GPR139: variants seen among roughly 807,000 people sequenced by gnomAD.
The protein encoded by GPR139 is G protein-coupled receptor 139.
GPR139 carries 12 observed loss-of-function variants against 25.8 expected under a neutral mutation model. That is an observed-to-expected ratio of 0.47 (90% confidence interval 0.30 to 0.75). The LOEUF is 0.75. Ranked by LOEUF, GPR139 falls within the 30% of genes least tolerant of loss-of-function variation. GPR139 has a pLI of 0.07. For synonymous variants in GPR139, 184 were observed against 179.9 expected (o/e 1.02, Z -0.18); for missense variants, 380 against 450.2 (o/e 0.84, Z 1.41).
intron 1 of GPR139, among the ~76,000 whole-genome samples, chr16:20,061,136 G>A (rs1386711865): frequency 4.6e-5 from 7 of 151,978 alleles, no homozygotes; most frequent in Admixed American, 6.6e-5. Flanking sequence ...GGTTCACCAC[G>A]TACCTAGCAT....
At chr16:20,046,708 G>A (rs1179254871) in intron 1 of GPR139, among the ~76,000 whole-genome samples, 3 of 152,106 alleles carry the variant, frequency 2.0e-5, no homozygotes, top group African/African-American at 4.8e-5. Flanking sequence ...TGAGGAGAAC[G>A]GCACTCGAGG....
rs367993347 is a variant in GPR139, at chr16:20,043,436, ATT to A, written c.128-10769_128-10768del. 6.3e-3 allele frequency among the ~76,000 whole-genome samples: 962 copies of A among 152,308 alleles called. 6 individuals are homozygous for A. Among genetic ancestry groups the A allele is most frequent in the African/African-American group, 0.022 (900 of 41,546 alleles). Reference sequence around the variant, plus strand: ...TGGGTGGCTTTGCGTAGATGAGATGATTTTACATGATTCACTGATGAACATAT... The same window carrying A: ...TGGGTGGCTTTGCGTAGATGAGATGATTACATGATTCACTGATGAACATAT... On this transcript the variant is annotated intron_variant, in intron 1 of 1. Coordinates refer to ENST00000570682, the MANE Select transcript of GPR139 (RefSeq NM_001002911.4).
Position 20,029,082 on chromosome 16 carries a change from A to T in GPR139, c.*2653T>A, listed in dbSNP as rs1360919295. 6.6e-6 allele frequency among the ~76,000 whole-genome samples: 1 copy of T among 152,214 alleles called. No individual in the cohort carries two copies. Among genetic ancestry groups the T allele is most frequent in the African/African-American group, 2.4e-5 (1 of 41,466 alleles). On this transcript the variant is annotated 3_prime_UTR_variant, in exon 2 of 2. Coordinates refer to ENST00000570682, the MANE Select transcript of GPR139 (RefSeq NM_001002911.4). ...AAGAGATATGAATCAACCTAACCCA[A>T]TGGGCATTCATTTGCATTTTAAGCA...
chr16:20,063,587 T>G (rs1041957798), intron 1 of GPR139, among the ~76,000 whole-genome samples: 3 of 152,232 alleles, frequency 2.0e-5, no homozygotes, highest in African/African-American at 7.2e-5. Context: ...TTCCCTTTGA[T>G]GGAATCAGAA....
intron 1 of GPR139, among the ~76,000 whole-genome samples, chr16:20,046,741 G>C (rs906215208): frequency 6.6e-5 from 10 of 152,244 alleles, no homozygotes; most frequent in Non-Finnish European, 1.5e-4. Flanking sequence ...TAGGGACTGT[G>C]AGTAACACAG....
intron 1 of GPR139, among the ~76,000 whole-genome samples, chr16:20,044,831 A>G (rs962138083): frequency 1.3e-4 from 20 of 152,130 alleles, no homozygotes; most frequent in Non-Finnish European, 2.6e-4. Flanking sequence ...CAGGCTTGAA[A>G]GGGTTAGGAA....
chr16:20,059,400 A>C (rs1045246091), intron 1 of GPR139, among the ~76,000 whole-genome samples: 5 of 151,714 alleles, frequency 3.3e-5, no homozygotes, highest in Non-Finnish European at 7.4e-5. Flanking sequence ...CTCTAACCTC[A>C]CTGGTCTTTC....
At chr16:20,049,727 T>A (rs1184365786) in intron 1 of GPR139, among the ~76,000 whole-genome samples, 2 of 152,246 alleles carry the variant, frequency 1.3e-5, no homozygotes, top group Non-Finnish European at 2.9e-5. Context: ...CCTAGTCTTG[T>A]GACTGTGGCT....
At chr16:20,041,325 A>T (rs931721938) in intron 1 of GPR139, among the ~76,000 whole-genome samples, 1 of 149,104 alleles carries the variant, frequency 6.7e-6, no homozygotes, top group Non-Finnish European at 1.5e-5. Context: ...CGCTTATGTT[A>T]TGCAGACTCC....
chr16:20,040,497 A>G (rs1341285809), intron 1 of GPR139, among the ~76,000 whole-genome samples: 3 of 152,228 alleles, frequency 2.0e-5, no homozygotes, highest in Non-Finnish European at 2.9e-5. Context: ...CCATATGTCA[A>G]TGATATTCAT....
At chr16:20,062,755 A>T (rs1282001863) in intron 1 of GPR139, among the ~76,000 whole-genome samples, 1 of 152,246 alleles carries the variant, frequency 6.6e-6, no homozygotes, top group Non-Finnish European at 1.5e-5. Flanking sequence ...TAGTCACGTT[A>T]ATAAAGTAAA....
chr16:20,030,617 C>T lies in GPR139; in HGVS notation c.*1118G>A, dbSNP rs1240345204. 6.6e-6 allele frequency among the ~76,000 whole-genome samples: 1 copy of T among 152,150 alleles called. No homozygotes were observed. Among genetic ancestry groups the T allele is most frequent in the Admixed American group, 6.5e-5 (1 of 15,280 alleles). ...CTGGCACCCCCTTTTGAGCCATGTG[C>T]GTCAAAGGGCAGACGAGGCGTCAGC... On this transcript the variant is annotated 3_prime_UTR_variant, in exon 2 of 2. Coordinates refer to ENST00000570682, the MANE Select transcript of GPR139 (RefSeq NM_001002911.4).
rs1025419553 is a variant in GPR139, at chr16:20,030,220, G to A, written c.*1515C>T. Among the ~76,000 whole-genome samples, 4 of 152,116 alleles carry A rather than the reference G, an allele frequency of 2.6e-5. No individual in the cohort carries two copies. The highest frequency in any genetic ancestry group is 7.2e-5 in the African/African-American group (3 of 41,414). ...AGATAGACATGTCTTCCAACTTAGGGACAAAATGCAGTAAAAATCCAGCCT... is the reference window on the plus strand; with the variant it reads ...AGATAGACATGTCTTCCAACTTAGGAACAAAATGCAGTAAAAATCCAGCCT... On this transcript the variant is annotated 3_prime_UTR_variant, in exon 2 of 2. Coordinates refer to ENST00000570682, the MANE Select transcript of GPR139 (RefSeq NM_001002911.4).
Position 20,031,786 on chromosome 16 carries a change from C to T in GPR139, c.1011G>A (p.Met337Ile). ...ISPANSHCIK[M>I]LVYQYDKNGK... ...CATTTTTGTCATACTGGTACACCAG[C>T]ATCTTGATGCAGTGTGAGTTTGCCG... The change falls in exon 2 of 2, where the codon ATG becomes ATA. Residue 337 changes from methionine (M) to isoleucine (I), a missense_variant. Physicochemically the swap from Met to Ile is conservative, Grantham distance 10. Coordinates refer to ENST00000570682, the MANE Select transcript of GPR139 (RefSeq NM_001002911.4). 2 of 1,614,180 alleles carry T rather than the reference C, an allele frequency of 1.2e-6. No homozygotes were observed. Among genetic ancestry groups the T allele is most frequent in the Non-Finnish European group, 8.5e-7 (1 of 1,180,026 alleles).
chr16:20,053,838 T>A (rs886996146), intron 1 of GPR139, among the ~76,000 whole-genome samples: 16 of 152,198 alleles, frequency 1.1e-4, no homozygotes, highest in African/African-American at 3.9e-4. Context: ...TCTTTTTTTT[T>A]TTTCAGATGA....
intron 1 of GPR139, among the ~76,000 whole-genome samples, chr16:20,033,919 A>AT (rs1448258200): frequency 2.6e-5 from 4 of 151,902 alleles, no homozygotes; most frequent in Non-Finnish European, 5.9e-5. Flanking sequence ...AAACAGCAGC[A>AT]ATGTTTTATT....
chr16:20,045,582 C>T (rs2057351537), intron 1 of GPR139, among the ~76,000 whole-genome samples: 1 of 152,124 alleles, frequency 6.6e-6, no homozygotes, highest in African/African-American at 2.4e-5. Flanking sequence ...TAGTTTTAAA[C>T]AGTGTCCATC....
chr16:20,031,963 T>C lies in GPR139; in HGVS notation c.834A>G (p.Thr278=). 1.1e-5 allele frequency: 17 copies of C among 1,614,152 alleles called. No individual in the cohort carries two copies. Among genetic ancestry groups the C allele is most frequent in the Non-Finnish European group, 1.4e-5 (17 of 1,180,038 alleles). Residue 278 remains threonine, a synonymous_variant, in exon 2 of 2, where the codon ACA becomes ACG. Coordinates refer to ENST00000570682, the MANE Select transcript of GPR139 (RefSeq NM_001002911.4). Reference sequence around the variant, plus strand: ...AGCAGTAGAGGAAGAAGTTGATGGCTGTGTTCAGAAGGGCTAGCATGTTGG... The same window carrying C: ...AGCAGTAGAGGAAGAAGTTGATGGCCGTGTTCAGAAGGGCTAGCATGTTGG... ...DIANMLALLN[T]AINFFLYCFI...
intron 1 of GPR139, among the ~76,000 whole-genome samples, chr16:20,043,984 G>A (rs2057345585): frequency 6.6e-6 from 1 of 152,168 alleles, no homozygotes; most frequent in Non-Finnish European, 1.5e-5. Flanking sequence ...GACAAGTTGT[G>A]TAAACATAAT....
Sources: allele counts gnomAD v4.1 joint callset (sites outside exome capture counted in the v4.1 genomes callset), GRCh38; gene constraint gnomAD v4.1.1; transcripts MANE v1.5; gene names NCBI Gene and HGNC (gene_info 2026-07-23, HGNC 2026-07-21).